SNX25: variants seen among roughly 807,000 people sequenced by gnomAD.
SNX25 encodes the protein sorting nexin 25, also known as sorting nexin-25.
In SNX25, 62 loss-of-function variants were observed where a neutral mutation model predicts 113.7. The observed-to-expected ratio is 0.55, with a 90% CI of 0.44 to 0.67. The LOEUF (loss-of-function observed/expected upper bound fraction) is 0.67, where lower values mean the gene tolerates loss of function less well. Ranked by LOEUF, SNX25 falls within the 30% of genes least tolerant of loss-of-function variation. The pLI is 0.00. For missense variants in SNX25, 1,014 were observed against 1,161.0 expected (o/e 0.87, Z 1.84); for synonymous variants, 421 against 436.2 (o/e 0.97, Z 0.43).
At chr4:185,238,865 C>T (rs1010639452) in intron 1 of SNX25, among the ~76,000 whole-genome samples, 13 of 152,146 alleles carry the variant, frequency 8.5e-5, no homozygotes, top group African/African-American at 1.9e-4. Flanking sequence ...GAAAATTGCA[C>T]GTTACAGGTT....
chr4:185,323,849 A>G (rs2095137549), intron 9 of SNX25, 49 bp downstream of exon 9: 1 of 1,597,856 alleles, frequency 6.3e-7, no homozygotes, highest in African/African-American at 1.4e-5. Context: ...AAGCTTTTAA[A>G]TATGTTTAAG....
intron 5 of SNX25, 80 bp from the exon 6 acceptor site, chr4:185,287,932 A>G (rs773062540): frequency 3.4e-6 from 4 of 1,162,794 alleles, no homozygotes; most frequent in Non-Finnish European, 5.0e-6. Context: ...TTTGTTTAGT[A>G]TAAATACAGT....
At chr4:185,335,895 A>C (rs1015464038) in intron 10 of SNX25, among the ~76,000 whole-genome samples, 3 of 152,226 alleles carry the variant, frequency 2.0e-5, no homozygotes, top group African/African-American at 7.2e-5. Context: ...AAATGATCAC[A>C]GTACTTATTG....
intron 6 of SNX25, among the ~76,000 whole-genome samples, chr4:185,307,118 A>T (rs997575230): frequency 8.5e-5 from 13 of 152,158 alleles, no homozygotes; most frequent in Non-Finnish European, 4.4e-5. Flanking sequence ...ATAAAAACGT[A>T]TTATGGTGCT....
intron 2 of SNX25, among the ~76,000 whole-genome samples, chr4:185,252,755 G>T (rs1745855994): frequency 1.3e-5 from 2 of 152,080 alleles, no homozygotes; most frequent in Admixed American, 6.5e-5. Flanking sequence ...TTTACAGATT[G>T]AATTACAAAG....
intron 3 of SNX25, among the ~76,000 whole-genome samples, chr4:185,262,518 G>T: frequency 6.6e-6 from 1 of 152,106 alleles, no homozygotes; most frequent in Admixed American, 6.6e-5. Context: ...TGTAATTTCT[G>T]ATTGTGGTGT....
intron 1 of SNX25, among the ~76,000 whole-genome samples, chr4:185,229,913 C>T (rs1240182089): frequency 3.3e-5 from 5 of 152,170 alleles, no homozygotes; most frequent in Non-Finnish European, 7.4e-5. Context: ...TCTGCAGCCT[C>T]GACTACCTGG....
chr4:185,266,421 C>T (rs1748089309), intron 4 of SNX25, among the ~76,000 whole-genome samples: 2 of 151,930 alleles, frequency 1.3e-5, no homozygotes, highest in Non-Finnish European at 1.5e-5. Context: ...AGTGCAGTGG[C>T]GAGATCTCGG....
chr4:185,339,119 TG>T (rs1289748902), intron 10 of SNX25, among the ~76,000 whole-genome samples: 3 of 152,238 alleles, frequency 2.0e-5, no homozygotes, highest in African/African-American at 7.2e-5. Context: ...TCCAGATATT[TG>T]TCTTCTTTAG....
intron 12 of SNX25, among the ~76,000 whole-genome samples, chr4:185,342,711 C>T (rs1429810082): frequency 6.6e-6 from 1 of 150,812 alleles, no homozygotes; most frequent in Non-Finnish European, 1.5e-5. Flanking sequence ...GATTCTATCA[C>T]ATACACAAGG....
intron 6 of SNX25, among the ~76,000 whole-genome samples, chr4:185,293,050 A>T (rs546438902): frequency 6.6e-6 from 1 of 152,382 alleles, no homozygotes; most frequent in South Asian, 2.1e-4. Flanking sequence ...ACATATAAAG[A>T]ACTCTTATAA....
chr4:185,335,228 G>A (rs1303034820), intron 10 of SNX25, among the ~76,000 whole-genome samples: 8 of 151,482 alleles, frequency 5.3e-5, no homozygotes, highest in Non-Finnish European at 8.8e-5. Flanking sequence ...GCTGAGACAC[G>A]AGAATCACTT....
chr4:185,259,763 CGGTT>C (rs150558284), intron 3 of SNX25, among the ~76,000 whole-genome samples: 132 of 152,244 alleles, frequency 8.7e-4, no homozygotes, highest in African/African-American at 3.1e-3. Context: ...GATATGGACA[CGGTT>C]GGAACAGGAA....
intron 6 of SNX25, among the ~76,000 whole-genome samples, 159 bp downstream of exon 6, chr4:185,288,241 TA>T (rs1444256019): frequency 6.6e-6 from 1 of 152,204 alleles, no homozygotes; most frequent in Non-Finnish European, 1.5e-5. Context: ...ATTAGAGAAG[TA>T]AATATAATTT....
intron 15 of SNX25, among the ~76,000 whole-genome samples, chr4:185,355,712 A>G (rs1289688672): frequency 1.3e-5 from 2 of 152,264 alleles, no homozygotes; most frequent in East Asian, 3.8e-4. Context: ...ACTTTAAGAC[A>G]TATACAGTGA....
At chr4:185,367,358 T>A (rs1434695096), downstream of SNX25, 1 of 895,524 alleles carries the variant, frequency 1.1e-6, no homozygotes, top group Non-Finnish European at 1.7e-6. Context: ...TACAGTGAAT[T>A]TCAAGAAAAT....
At chr4:185,263,089 T>G (rs1747553526) in intron 3 of SNX25, among the ~76,000 whole-genome samples, 1 of 152,160 alleles carries the variant, frequency 6.6e-6, no homozygotes, top group East Asian at 1.9e-4. Flanking sequence ...TTTCCCTAAC[T>G]TAGCTGTAGG....
chr4:185,282,976 T>G (rs1360765484), intron 5 of SNX25, among the ~76,000 whole-genome samples: 1 of 152,184 alleles, frequency 6.6e-6, no homozygotes, highest in African/African-American at 2.4e-5. Flanking sequence ...GTATATATTG[T>G]ATAGTTTTGT....
At chr4:185,317,789 G>C (rs115408599) in intron 7 of SNX25, among the ~76,000 whole-genome samples, 2,979 of 152,160 alleles carry the variant, frequency 0.02, 83 homozygotes, top group African/African-American at 0.069. Context: ...CTGTCGGGGG[G>C]TGAGGGTTAA....
Sources: gnomAD v4.1 joint callset for allele counts (sites outside exome capture counted in the v4.1 genomes callset) on GRCh38, gnomAD v4.1.1 for gene constraint, MANE v1.5 for transcripts, NCBI Gene and HGNC (gene_info 2026-07-23, HGNC 2026-07-21) for gene names.